CNTN3: variants seen among roughly 807,000 people sequenced by gnomAD.
The protein encoded by CNTN3 is contactin-3.
CNTN3 carries 60 observed loss-of-function variants against 119.1 expected under a neutral mutation model. The ratio of observed to expected loss-of-function variants is 0.50; its 90% CI spans 0.41 to 0.62. CNTN3 has a LOEUF of 0.62. CNTN3 is among the 20% of genes least tolerant of loss of function. The pLI is 0.00. For missense variants in CNTN3, 1,101 were observed against 1,242.4 expected (o/e 0.89, Z 1.71); for synonymous variants, 450 against 438.7 (o/e 1.03, Z -0.32).
At chr3:74,487,371 C>A (rs1483293797) in intron 3 of CNTN3, among the ~76,000 whole-genome samples, 1 of 152,026 alleles carries the variant, frequency 6.6e-6, no homozygotes, top group Non-Finnish European at 1.5e-5. Flanking sequence ...ATTCATATCC[C>A]ACAATCTCAA....
chr3:74,389,026 T>C (rs111888312), intron 5 of CNTN3, among the ~76,000 whole-genome samples: 2,265 of 152,282 alleles, frequency 0.015, 29 homozygotes, highest in Non-Finnish European at 0.025. Context: ...ACCGTCAACA[T>C]GCAGCTTCAA....
chr3:74,401,260 T>C (rs1294184444), intron 5 of CNTN3, among the ~76,000 whole-genome samples: 1 of 152,158 alleles, frequency 6.6e-6, no homozygotes, highest in Non-Finnish European at 1.5e-5. Context: ...CAAGATGAGA[T>C]TTTTTAACCA....
intron 1 of CNTN3, among the ~76,000 whole-genome samples, chr3:74,582,614 C>T (rs530267638): frequency 3.9e-5 from 6 of 152,000 alleles, no homozygotes; most frequent in African/African-American, 1.2e-4. Flanking sequence ...ATCAGCCATG[C>T]AAATTAAAAC....
At chr3:74,406,530 G>A (rs1460055310) in intron 5 of CNTN3, among the ~76,000 whole-genome samples, 2 of 151,296 alleles carry the variant, frequency 1.3e-5, no homozygotes, top group Non-Finnish European at 2.9e-5. Flanking sequence ...AAATCACACT[G>A]AACTATGTGT....
chr3:74,563,525 A>G (rs927985898), intron 1 of CNTN3, among the ~76,000 whole-genome samples: 1 of 152,158 alleles, frequency 6.6e-6, no homozygotes, highest in African/African-American at 2.4e-5. Context: ...GACAGCCAGT[A>G]AGTTCTTACA....
chr3:74,562,694 T>A (rs1322432926), intron 1 of CNTN3, among the ~76,000 whole-genome samples: 2 of 152,136 alleles, frequency 1.3e-5, no homozygotes, highest in African/African-American at 2.4e-5. Flanking sequence ...CTCATCTGGA[T>A]GCTTTATGTT....
At chr3:74,373,971 AAC>A (rs1704406143) in intron 5 of CNTN3, among the ~76,000 whole-genome samples, 1 of 152,118 alleles carries the variant, frequency 6.6e-6, no homozygotes, top group Non-Finnish European at 1.5e-5. Context: ...TAAAGCACAG[AAC>A]ACAGTTGACT....
chr3:74,331,410 C>T (rs1342666186), intron 13 of CNTN3, among the ~76,000 whole-genome samples: 1 of 152,124 alleles, frequency 6.6e-6, no homozygotes, highest in Non-Finnish European at 1.5e-5. Context: ...TGTAAGTGCA[C>T]CCTACGATGT....
chr3:74,429,333 A>G (rs1701746395), intron 4 of CNTN3, among the ~76,000 whole-genome samples: 1 of 152,082 alleles, frequency 6.6e-6, no homozygotes, highest in South Asian at 2.1e-4. Context: ...TGGTAGTGGC[A>G]CAGGGAGAGA....
rs779613871 is a variant in CNTN3, at chr3:74,302,751, A to G, written c.1725T>C (p.Tyr575=). ...CCACCCCCGTTTGCACCATACAAACATATTTCCCACTGTGTTTCAGCTGAA... is the reference window on the plus strand; with the variant it reads ...CCACCCCCGTTTGCACCATACAAACGTATTTCCCACTGTGTTTCAGCTGAA... ...RNIQLKHSGK[Y]VCMVQTGVDS... is the part of the protein sequence containing the mutation. Residue 575 remains tyrosine (Y), a synonymous_variant, in exon 14 of 23, where the codon TAT becomes TAC. Coordinates refer to ENST00000263665, the MANE Select transcript of CNTN3 (RefSeq NM_020872.3). The G allele has an allele frequency of 1.4e-5, 22 of 1,613,414 alleles. No individual in the cohort carries two copies. The highest frequency in any genetic ancestry group is 3.3e-5 in the Admixed American group (2 of 59,954).
chr3:74,547,582 T>C (rs1305148790), intron 1 of CNTN3, among the ~76,000 whole-genome samples: 1 of 152,194 alleles, frequency 6.6e-6, no homozygotes, highest in Non-Finnish European at 1.5e-5. Context: ...TTTTTACACA[T>C]TTAATAGCTC....
rs114034858 is a variant in CNTN3, at chr3:74,555,081, C to T, written c.-80-33889G>A. On this transcript the variant is annotated intron_variant, in intron 1 of 22. Coordinates refer to ENST00000263665, the MANE Select transcript of CNTN3 (RefSeq NM_020872.3). ...AAACAGCTCTTATTATATTGAGATA[C>T]GTTCAATCGATACCTAGTTTATTGA... is the stretch of plus-strand genomic sequence containing the variant. Among the ~76,000 whole-genome samples, 1,009 of 152,164 alleles carry T rather than the reference C, an allele frequency of 6.6e-3. 13 individuals are homozygous for T. Among genetic ancestry groups the T allele is most frequent in the African/African-American group, 0.022 (930 of 41,518 alleles).
chr3:74,536,271 C>T (rs923405062), intron 1 of CNTN3, among the ~76,000 whole-genome samples: 1 of 152,000 alleles, frequency 6.6e-6, no homozygotes, highest in African/African-American at 2.4e-5. Context: ...AACAGGATGC[C>T]GTAGGCCACA....
intron 13 of CNTN3, among the ~76,000 whole-genome samples, chr3:74,305,233 G>A (rs1702537217): frequency 6.6e-6 from 1 of 151,716 alleles, no homozygotes; most frequent in Admixed American, 6.6e-5. Flanking sequence ...ATGTGTAGAC[G>A]ACGGCAAAAT....
intron 4 of CNTN3, among the ~76,000 whole-genome samples, chr3:74,459,159 T>C (rs1391432575): frequency 6.6e-6 from 1 of 152,018 alleles, no homozygotes. Context: ...TCAAGGTGTT[T>C]GTGATAATTT....
intron 13 of CNTN3, among the ~76,000 whole-genome samples, chr3:74,316,271 C>T (rs755038566): frequency 9.2e-5 from 14 of 152,034 alleles, no homozygotes; most frequent in Non-Finnish European, 2.1e-4. Flanking sequence ...AAATGCAAAT[C>T]AAAACCACAA....
chr3:74,425,089 CTTTA>C lies in CNTN3; in HGVS notation c.359-153_359-150del, dbSNP rs371644180. 1.0e-3 allele frequency: 623 copies of C among 598,754 alleles called. 8 individuals are homozygous for C. The East Asian group carries it at 0.017, about 17-fold the overall frequency. The allele number at this position is 598,754 out of a possible 1,614,324, so 37.1% of individuals were successfully genotyped here. A position where few individuals can be genotyped will look rare whatever the true frequency, so the allele number is the denominator to read the frequency against. On this transcript the variant is annotated intron_variant, in intron 4 of 22. Coordinates refer to ENST00000263665, the MANE Select transcript of CNTN3 (RefSeq NM_020872.3). Reference sequence around the variant, plus strand: ...ATTTTTATTTACTTAGAATTTCACCCTTTATTTTAGATTCAGGAGGTACACGTAC... The same window carrying C: ...ATTTTTATTTACTTAGAATTTCACCCTTTTAGATTCAGGAGGTACACGTAC...
intron 13 of CNTN3, among the ~76,000 whole-genome samples, chr3:74,318,343 A>C (rs1702889637): frequency 6.6e-6 from 1 of 152,150 alleles, no homozygotes; most frequent in African/African-American, 2.4e-5. Context: ...AGCTCGTCAA[A>C]GTCATTCTCC....
intron 1 of CNTN3, among the ~76,000 whole-genome samples, chr3:74,550,470 A>G (rs562769740): frequency 6.6e-6 from 1 of 152,316 alleles, no homozygotes; most frequent in African/African-American, 2.4e-5. Flanking sequence ...GGCACCAAAT[A>G]CTCAGGTAAG....
Sources: gnomAD v4.1 joint callset for allele counts (sites outside exome capture counted in the v4.1 genomes callset) on GRCh38, gnomAD v4.1.1 for gene constraint, MANE v1.5 for transcripts, NCBI Gene and HGNC (gene_info 2026-07-23, HGNC 2026-07-21) for gene names.